The following GCFC2 variants were observed in gnomAD, a reference collection of about 807,000 sequenced individuals.
GCFC2 encodes GC-rich sequence DNA-binding factor 2, also known as intron Large complex component GCFC2.
Under a neutral mutation model 99.4 loss-of-function variants are expected in GCFC2, and 102 were observed. That is an observed-to-expected ratio of 1.03 (90% CI 0.87 to 1.21). The LOEUF is 1.21. GCFC2 is among the 50% of genes most tolerant of loss of function. The pLI, the probability that GCFC2 is intolerant of heterozygous loss-of-function variation, is 0.00. For synonymous variants in GCFC2, 338 were observed against 316.8 expected (o/e 1.07, Z -0.71); for missense variants, 973 against 920.9 (o/e 1.06, Z -0.73).
At chr2:75,707,831 T>C (rs964402416) in intron 1 of GCFC2, among the ~76,000 whole-genome samples, 3 of 152,248 alleles carry the variant, frequency 2.0e-5, no homozygotes, top group African/African-American at 7.2e-5. Flanking sequence ...GCTCTTGGCA[T>C]GAATGAATCA....
At chr2:75,692,439 G>A (rs1390288793) in intron 6 of GCFC2, among the ~76,000 whole-genome samples, 2 of 152,010 alleles carry the variant, frequency 1.3e-5, no homozygotes, top group African/African-American at 4.8e-5. Context: ...CTGAGGTCAG[G>A]AGTTCAAGGC....
intron 15 of GCFC2, among the ~76,000 whole-genome samples, chr2:75,667,592 CTT>C (rs953442319): frequency 6.6e-6 from 1 of 152,170 alleles, no homozygotes; most frequent in Non-Finnish European, 1.5e-5. Flanking sequence ...TATGTAAACT[CTT>C]TTTAAAAGTT....
chr2:75,675,717 C>T (rs1434657308), intron 12 of GCFC2, among the ~76,000 whole-genome samples: 4 of 136,760 alleles, frequency 2.9e-5, no homozygotes, highest in Admixed American at 7.8e-5. Context: ...GCACTCCAGC[C>T]TGGGTGACAG....
intron 1 of GCFC2, 108 bp downstream of exon 1, chr2:75,710,483 T>G: frequency 7.2e-7 from 1 of 1,392,102 alleles, no homozygotes; most frequent in Non-Finnish European, 9.3e-7. Flanking sequence ...CAGCATGGCT[T>G]GTGGTCGGCA....
chr2:75,684,085 AC>A (rs1679708741), intron 11 of GCFC2, among the ~76,000 whole-genome samples: 1 of 152,174 alleles, frequency 6.6e-6, no homozygotes, highest in African/African-American at 2.4e-5. Context: ...CAGAAAATTA[AC>A]AAAGATATCC....
chr2:75,687,922 A>G lies in GCFC2; in HGVS notation c.1595T>C (p.Met532Thr). Residue 532 changes from methionine to threonine, a missense_variant, in exon 11 of 17, where the codon ATG becomes ACG. Transcript: ENST00000321027. ...CTTTGAATCTTCCACACTGCTATCC[A>G]TAAATTCTTCTACAGATTTGAACCA... ...MPWFKSVEEF[M>T]DSSVEDSKKE... is the part of the protein sequence containing the mutation. 2 of 1,601,776 alleles carry G rather than the reference A, an allele frequency of 1.2e-6. No homozygotes were observed. Among genetic ancestry groups the G allele is most frequent in the Non-Finnish European group, 1.7e-6 (2 of 1,170,934 alleles).
chr2:75,670,128 C>A lies in GCFC2; in HGVS notation c.2103+10G>T. 1 of 1,567,018 alleles carries A rather than the reference C, an allele frequency of 6.4e-7. No homozygotes were observed. The highest frequency in any genetic ancestry group is 1.1e-5 in the South Asian group (1 of 87,602). ...GATAAAATTAGAATCAGTCTTCCTT[C>A]ACAACTTACCTGGTTGCACTTTTTA... On this transcript the variant is annotated intron_variant, in intron 15 of 16. Coordinates refer to ENST00000321027, the MANE Select transcript of GCFC2 (RefSeq NM_003203.5).
At chr2:75,671,760 T>C (rs1213103934) in intron 14 of GCFC2, among the ~76,000 whole-genome samples, 190 bp downstream of exon 14, 2 of 137,354 alleles carry the variant, frequency 1.5e-5, no homozygotes, top group Non-Finnish European at 3.0e-5. Flanking sequence ...CAAACAGCCA[T>C]GTTCATTTGT....
chr2:75,675,400 G>A (rs1471958007), intron 12 of GCFC2, among the ~76,000 whole-genome samples: 1 of 152,124 alleles, frequency 6.6e-6, no homozygotes, highest in African/African-American at 2.4e-5. Flanking sequence ...ATTCATGAAA[G>A]TTTTCTTTCA....
In GCFC2 at chr2:75,689,203, C is replaced by T. The variant is rs143395551; in HGVS notation, c.1362G>A (p.Lys454=). 56 of 1,594,572 alleles carry T rather than the reference C, an allele frequency of 3.5e-5. 1 individual carries two copies. In the African/African-American group the frequency reaches 6.0e-4, roughly 17 times the overall value. ...KSQGDILQKQ[K]KVFEEVQDDF... ...CATCTTGCACTTCTTCAAAAACTTT[C>T]TTCTGTTTCTGTAAAATGTCACCTG... Residue 454 remains lysine (K), a synonymous_variant, in exon 10 of 17, where the codon AAG becomes AAA. Coordinates refer to ENST00000321027, the MANE Select transcript of GCFC2 (RefSeq NM_003203.5).
intron 8 of GCFC2, 54 bp downstream of exon 8, chr2:75,690,584 T>A: frequency 1.2e-6 from 1 of 811,838 alleles, no homozygotes; most frequent in Non-Finnish European, 2.1e-6. Flanking sequence ...ATTTCAGTAG[T>A]GAAAAGTACT....
At chr2:75,699,896 G>GTTT (rs541277356) in intron 4 of GCFC2, among the ~76,000 whole-genome samples, 3 of 135,836 alleles carry the variant, frequency 2.2e-5, no homozygotes, top group Admixed American at 7.5e-5. Flanking sequence ...CTTTAACGTT[G>GTTT]TTTTTTTTTT....
At chr2:75,699,563 C>T (rs13425897) in intron 4 of GCFC2, among the ~76,000 whole-genome samples, 7,825 of 146,354 alleles carry the variant, frequency 0.053, 604 homozygotes, top group African/African-American at 0.2. Context: ...TTAAACTTTA[C>T]ATTCATTCAT....
At position 75,681,046 on chromosome 2, in the gene GCFC2, T is replaced by C. The variant is rs531323531; in HGVS notation, c.1691-732A>G. 3.3e-5 allele frequency among the ~76,000 whole-genome samples: 5 copies of C among 152,330 alleles called. No homozygotes were observed. In the South Asian group the frequency reaches 6.2e-4, roughly 19 times the overall value. ...AGAACACTGTCCTTCCACTTTGGTA[T>C]TGACATCACTTGTACTAGATTTTTT... On this transcript the variant is annotated intron_variant, in intron 11 of 16. Coordinates refer to ENST00000321027, the MANE Select transcript of GCFC2 (RefSeq NM_003203.5).
intron 4 of GCFC2, among the ~76,000 whole-genome samples, chr2:75,700,730 T>A (rs1680547633): frequency 6.6e-6 from 1 of 152,078 alleles, no homozygotes; most frequent in Non-Finnish European, 1.5e-5. Flanking sequence ...GTGTAGTGGG[T>A]TGAATGGAGG....
chr2:75,710,346 G>T, intron 1 of GCFC2: 2 of 814,558 alleles, frequency 2.5e-6, no homozygotes, highest in Non-Finnish European at 3.4e-6. Context: ...AAAACGAAGA[G>T]CCTCCCAACT....
chr2:75,677,717 G>C (rs1679408384), intron 12 of GCFC2, among the ~76,000 whole-genome samples: 1 of 152,168 alleles, frequency 6.6e-6, no homozygotes, highest in Admixed American at 6.5e-5. Flanking sequence ...GCTTGAGTTT[G>C]CCTGTAATCC....
chr2:75,710,358 T>G, intron 1 of GCFC2: 1 of 980,986 alleles, frequency 1.0e-6, no homozygotes, highest in Non-Finnish European at 1.4e-6. Context: ...CTCCCAACTG[T>G]ACACGATTGT....
chr2:75,701,942 C>G, intron 3 of GCFC2: 1 of 1,229,874 alleles, frequency 8.1e-7, no homozygotes, highest in Non-Finnish European at 1.0e-6. Context: ...AGATACTGCA[C>G]ATTTTTTTTA....
Sources: gnomAD v4.1 joint callset for allele counts (sites outside exome capture counted in the v4.1 genomes callset) on GRCh38, gnomAD v4.1.1 for gene constraint, MANE v1.5 for transcripts, NCBI Gene and HGNC (gene_info 2026-07-23, HGNC 2026-07-21) for gene names.